The following ARIH1 variants were observed in gnomAD, a reference collection of about 807,000 sequenced individuals.
ARIH1 encodes the protein ariadne RBR E3 ubiquitin protein ligase 1, also known as E3 ubiquitin-protein ligase ARIH1.
A neutral mutation model predicts 85.0 loss-of-function variants in ARIH1; 8 were observed. The observed-to-expected ratio is 0.09, with a 90% CI of 0.06 to 0.17. The LOEUF is 0.17. ARIH1 is among the 10% of genes least tolerant of loss of function. The pLI is 1.00. For missense variants in ARIH1, 311 were observed against 718.1 expected, an observed-to-expected ratio of 0.43 and a Z score of 6.48; for synonymous variants, 238 against 253.6, an observed-to-expected ratio of 0.94 and a Z score of 0.59.
intron 1 of ARIH1, among the ~76,000 whole-genome samples, chr15:72,500,551 T>C (rs2063898492): frequency 6.6e-6 from 1 of 152,232 alleles, no homozygotes; most frequent in African/African-American, 2.4e-5. Context: ...ACTGCTTTGC[T>C]AATTTCATTC....
intron 1 of ARIH1, among the ~76,000 whole-genome samples, chr15:72,481,439 G>A (rs2063816300): frequency 6.6e-6 from 1 of 152,208 alleles, no homozygotes; most frequent in African/African-American, 2.4e-5. Context: ...ACCAGTCACG[G>A]TGGCTCACAC....
chr15:72,573,028 T>A (rs1364818561), intron 11 of ARIH1, among the ~76,000 whole-genome samples: 5 of 152,210 alleles, frequency 3.3e-5, no homozygotes, highest in Admixed American at 3.3e-4. Flanking sequence ...ATTTAATAGT[T>A]CCTACATTCA....
At chr15:72,540,258 C>CAAAAA (rs10615863) in intron 2 of ARIH1, among the ~76,000 whole-genome samples, 1 of 81,360 alleles carries the variant, frequency 1.2e-5, no homozygotes, top group African/African-American at 4.6e-5. Context: ...GACTTTGTCT[C>CAAAAA]AAAAAAAAAA....
intron 2 of ARIH1, 55 bp from the exon 3 acceptor site, chr15:72,544,765 G>T: frequency 6.6e-7 from 1 of 1,524,638 alleles, no homozygotes; most frequent in East Asian, 2.3e-5. Flanking sequence ...TTTTTGGAGA[G>T]CTCTAACAGT....
At chr15:72,525,865 T>A (rs2064025335) in intron 2 of ARIH1, among the ~76,000 whole-genome samples, 3 of 151,930 alleles carry the variant, frequency 2.0e-5, no homozygotes. Context: ...GGTCTCAAAC[T>A]CCTAGACACA....
At chr15:72,492,279 G>A (rs1470630118) in intron 1 of ARIH1, among the ~76,000 whole-genome samples, 4 of 152,034 alleles carry the variant, frequency 2.6e-5, no homozygotes, top group African/African-American at 9.7e-5. Context: ...TTAGACTAGT[G>A]GTCCAAAAAG....
At chr15:72,580,120 G>A (rs1028707660) in intron 11 of ARIH1, among the ~76,000 whole-genome samples, 13 of 151,892 alleles carry the variant, frequency 8.6e-5, no homozygotes, top group African/African-American at 1.2e-4. Flanking sequence ...TCTGGTAACC[G>A]TCATTATACT....
rs2064349331 is a variant in ARIH1, at chr15:72,593,066, G to A, written c.*9774G>A. 6.6e-6 allele frequency: 1 copy of A among 152,120 alleles called. No individual in the cohort carries two copies. The highest frequency in any genetic ancestry group is 1.5e-5 in the Non-Finnish European group (1 of 68,002). 9.4% of individuals were successfully genotyped at this position (152,120 alleles called of 1,614,324 possible). A position where few individuals can be genotyped will look rare whatever the true frequency, so the allele number is the denominator to read the frequency against. Reference sequence around the variant, plus strand: ...AGAGTTACAGTTGCTTCACATGTCTGTCAACATTTACACTGTCACTGTTTT... The same window carrying A: ...AGAGTTACAGTTGCTTCACATGTCTATCAACATTTACACTGTCACTGTTTT... On this transcript the variant is annotated 3_prime_UTR_variant, in exon 14 of 14. Coordinates refer to ENST00000379887, the MANE Select transcript of ARIH1 (RefSeq NM_005744.5).
At chr15:72,546,682 G>A (rs1039345821) in intron 3 of ARIH1, among the ~76,000 whole-genome samples, 1 of 151,450 alleles carries the variant, frequency 6.6e-6, no homozygotes, top group Non-Finnish European at 1.5e-5. Context: ...TGTTTTGTTT[G>A]TTTTGTTTTG....
At chr15:72,494,413 T>TCCACC (rs1267923851) in intron 1 of ARIH1, among the ~76,000 whole-genome samples, 50 of 152,100 alleles carry the variant, frequency 3.3e-4, no homozygotes, top group Non-Finnish European at 5.1e-4. Flanking sequence ...GCAGATGGGG[T>TCCACC]TAGAGGTGGC....
At chr15:72,506,366 G>A (rs139099452) in intron 1 of ARIH1, among the ~76,000 whole-genome samples, 3,501 of 50,698 alleles carry the variant, frequency 0.069, 5 homozygotes, top group South Asian at 0.11. Context: ...AAAAAAAAAA[G>A]AAAAAAAAAA....
intron 1 of ARIH1, among the ~76,000 whole-genome samples, chr15:72,478,588 G>A (rs1227418923): frequency 6.6e-6 from 1 of 152,144 alleles, no homozygotes; most frequent in African/African-American, 2.4e-5. Context: ...GTTAAGCAGA[G>A]GATATGCTCC....
chr15:72,602,955 A>T lies in ARIH1; in HGVS notation c.*19663A>T, dbSNP rs1206756239. 1 of 151,978 alleles carries T rather than the reference A, an allele frequency of 6.6e-6. No individual in the cohort carries two copies. Among genetic ancestry groups the T allele is most frequent in the African/African-American group, 2.4e-5 (1 of 41,330 alleles). The allele number at this position is 151,978 out of a possible 1,614,324, so 9.4% of individuals were successfully genotyped here. On this transcript the variant is annotated 3_prime_UTR_variant, in exon 14 of 14. Transcript: ENST00000379887. The stretch of plus-strand genomic sequence containing the variant: ...CCGTCTCCATTTTGCTATGGCAAAC[A>T]TTTTTTTCCAGAAATATATCAGATA...
intron 2 of ARIH1, among the ~76,000 whole-genome samples, chr15:72,536,538 T>C (rs552118085): frequency 6.6e-6 from 1 of 152,330 alleles, no homozygotes; most frequent in East Asian, 1.9e-4. Flanking sequence ...GGGGGGGATG[T>C]AAGAGGTCAA....
intron 5 of ARIH1, among the ~76,000 whole-genome samples, chr15:72,556,297 A>G (rs534892991): frequency 2.6e-5 from 4 of 152,360 alleles, no homozygotes; most frequent in African/African-American, 9.6e-5. Context: ...CTGTTAAAAG[A>G]CAAAGAAGGA....
chr15:72,510,771 G>T (rs1027108988), intron 1 of ARIH1, among the ~76,000 whole-genome samples: 31 of 34,284 alleles, frequency 9.0e-4, no homozygotes, highest in Middle Eastern at 0.018. Context: ...AAAAAAAAAA[G>T]ACTTTTTCCC....
At position 72,592,251 on chromosome 15, in the gene ARIH1, C is replaced by G. The variant is rs888309274; in HGVS notation, c.*8959C>G. ...TTGCTTTACAGATTCTAAATGCTATCTCTGGGACACTGGATTGTGTGCTCT... is the reference window on the plus strand; with the variant it reads ...TTGCTTTACAGATTCTAAATGCTATGTCTGGGACACTGGATTGTGTGCTCT... On this transcript the variant is annotated 3_prime_UTR_variant, in exon 14 of 14. Transcript: ENST00000379887. The G allele has an allele frequency of 1.3e-5, 2 of 152,202 alleles. No individual in the cohort carries two copies. The highest frequency in any genetic ancestry group is 4.8e-5 in the African/African-American group (2 of 41,436). 9.4% of individuals were successfully genotyped at this position (152,202 alleles called of 1,614,324 possible).
At chr15:72,498,360 G>A (rs2063888598) in intron 1 of ARIH1, among the ~76,000 whole-genome samples, 1 of 152,012 alleles carries the variant, frequency 6.6e-6, no homozygotes, top group Non-Finnish European at 1.5e-5. Flanking sequence ...TTTAAAAATT[G>A]TATGGTATTT....
chr15:72,487,032 A>C (rs1472784885), intron 1 of ARIH1, among the ~76,000 whole-genome samples: 1 of 152,078 alleles, frequency 6.6e-6, no homozygotes, highest in African/African-American at 2.4e-5. Flanking sequence ...TTGAAGATTT[A>C]AATGAAAAAT....
Sources: allele counts gnomAD v4.1 joint callset (sites outside exome capture counted in the v4.1 genomes callset), GRCh38; gene constraint gnomAD v4.1.1; transcripts MANE v1.5; gene names NCBI Gene and HGNC (gene_info 2026-07-23, HGNC 2026-07-21).